Variants in FRYL observed in about 807,000 individuals in gnomAD.
FRYL encodes FRY like transcription coactivator.
In FRYL, 150 loss-of-function variants were observed where a neutral mutation model predicts 351.2. The ratio of observed to expected loss-of-function variants is 0.43; its 90% CI spans 0.37 to 0.49. The LOEUF (loss-of-function observed/expected upper bound fraction) is 0.49, where lower values mean the gene tolerates loss of function less well. Among genes scored for constraint, FRYL ranks in the 20% least tolerant of loss-of-function variants. FRYL has a pLI of 0.00. For missense variants in FRYL, 3,036 were observed against 3,619.3 expected (o/e 0.84, Z 4.13); for synonymous variants, 1,153 against 1,257.1 (o/e 0.92, Z 1.75).
rs765174479 is a variant in FRYL, at chr4:48,570,828, T to C, written c.2995A>G (p.Ser999Gly). The change falls in exon 27 of 64, where the codon AGT becomes GGT. Residue 999 changes from serine (S) to glycine (G), a missense_variant and splice_region_variant. Transcript: ENST00000358350. ...LLADAGVISH[S>G]ASGGLDNETH... ...TAACAATGTGAATCCAATACTGACC[T>C]GTGACTAATGACACCAGCATCTGCC... 9 of 1,605,736 alleles carry C rather than the reference T, an allele frequency of 5.6e-6. No individual in the cohort carries two copies. Among genetic ancestry groups the C allele is most frequent in the Admixed American group, 1.7e-5 (1 of 59,996 alleles).
chr4:48,704,777 C>T (rs1219778588), intron 2 of FRYL, among the ~76,000 whole-genome samples: 13 of 151,702 alleles, frequency 8.6e-5, no homozygotes, highest in African/African-American at 2.4e-4. Context: ...GGCAAAACCC[C>T]GTCTCTACTA....
At chr4:48,696,856 CTAT>C (rs1238217011) in intron 2 of FRYL, among the ~76,000 whole-genome samples, 7 of 145,752 alleles carry the variant, frequency 4.8e-5, no homozygotes, top group Non-Finnish European at 1.0e-4. Context: ...ATCTATCTAT[CTAT>C]CTATCTATCT....
intron 1 of FRYL, among the ~76,000 whole-genome samples, chr4:48,728,938 C>T (rs1770398474): frequency 6.6e-6 from 1 of 152,226 alleles, no homozygotes. Flanking sequence ...CTGGGAAATG[C>T]AAGCGGTCAG....
At chr4:48,523,267 A>G (rs185720468) in intron 53 of FRYL, among the ~76,000 whole-genome samples, 163 bp from the exon 54 acceptor site, 32 of 152,348 alleles carry the variant, frequency 2.1e-4, no homozygotes, top group African/African-American at 7.5e-4. Flanking sequence ...TTAACACACC[A>G]TCAAATATTT....
At chr4:48,681,848 A>G (rs1414525379) in intron 3 of FRYL, among the ~76,000 whole-genome samples, 1 of 152,230 alleles carries the variant, frequency 6.6e-6, no homozygotes, top group Admixed American at 6.5e-5. Context: ...ACAGTCATCA[A>G]CATTATATGT....
intron 31 of FRYL, 145 bp from the exon 32 acceptor site, chr4:48,563,133 TACA>T (rs1322496178): frequency 3.5e-6 from 2 of 567,584 alleles, no homozygotes; most frequent in Non-Finnish European, 6.4e-6. Flanking sequence ...AGGCAATAGG[TACA>T]ACAACAGATG....
intron 35 of FRYL, among the ~76,000 whole-genome samples, 178 bp downstream of exon 35, chr4:48,556,800 T>C (rs1578103115): frequency 6.6e-6 from 1 of 152,148 alleles, no homozygotes; most frequent in Admixed American, 6.6e-5. Flanking sequence ...GTCATAATGA[T>C]AGATAACATT....
intron 3 of FRYL, among the ~76,000 whole-genome samples, chr4:48,638,747 C>T (rs996615933): frequency 6.6e-6 from 1 of 152,132 alleles, no homozygotes; most frequent in Non-Finnish European, 1.5e-5. Flanking sequence ...GAAAATGTGG[C>T]ACACATACAC....
In FRYL at chr4:48,713,175, C is replaced by T. The variant is rs541015321; in HGVS notation, c.-383-2477G>A. Among the ~76,000 whole-genome samples the T allele has an allele frequency of 3.4e-4, 52 of 151,834 alleles. 1 individual carries two copies. In the South Asian group the frequency reaches 9.6e-3, roughly 28 times the overall value. On this transcript the variant is annotated intron_variant, in intron 1 of 63. Transcript: ENST00000358350. ...ACTAGGAAGAAACTGCATCAACTAA[C>T]AAGCAAAATAACCAGCTAACATCAT...
intron 4 of FRYL, among the ~76,000 whole-genome samples, chr4:48,626,947 A>G (rs888743148): frequency 9.9e-5 from 15 of 152,140 alleles, no homozygotes; most frequent in African/African-American, 3.6e-4. Context: ...GATTTGGGGA[A>G]CGTCTTTAGT....
intron 3 of FRYL, among the ~76,000 whole-genome samples, chr4:48,677,401 TTG>T (rs1007054065): frequency 8.5e-5 from 13 of 152,126 alleles, no homozygotes; most frequent in African/African-American, 3.1e-4. Context: ...TAACGATTTT[TTG>T]TGTGTGTGTT....
intron 3 of FRYL, among the ~76,000 whole-genome samples, chr4:48,652,149 C>T (rs1294194410): frequency 6.6e-6 from 1 of 152,176 alleles, no homozygotes; most frequent in South Asian, 2.1e-4. Context: ...GTTCAGGCAA[C>T]GACATGCAGA....
At chr4:48,552,426 C>A (rs1186806443) in intron 36 of FRYL, among the ~76,000 whole-genome samples, 1 of 65,362 alleles carries the variant, frequency 1.5e-5, no homozygotes, top group Non-Finnish European at 3.0e-5. Flanking sequence ...TCCATATATA[C>A]TTATAGAACT....
chr4:48,775,069 A>C (rs1775871191), intron 1 of FRYL, among the ~76,000 whole-genome samples: 1 of 152,246 alleles, frequency 6.6e-6, no homozygotes, highest in Non-Finnish European at 1.5e-5. Flanking sequence ...AATTTCAGAA[A>C]TATTTCGCCC....
intron 1 of FRYL, among the ~76,000 whole-genome samples, chr4:48,762,974 C>T (rs1774561884): frequency 6.6e-6 from 1 of 151,886 alleles, no homozygotes; most frequent in African/African-American, 2.4e-5. Context: ...ATACTATTCT[C>T]CAGGGAAAGC....
intron 1 of FRYL, among the ~76,000 whole-genome samples, chr4:48,778,809 T>C (rs1776300977): frequency 6.6e-6 from 1 of 152,158 alleles, no homozygotes; most frequent in Admixed American, 6.5e-5. Context: ...AAAACCAACT[T>C]TACTTCCATC....
At position 48,651,289 on chromosome 4, in the gene FRYL, CTGTGTGTGTGTGTGTG is replaced by C. The variant is rs59845967; in HGVS notation, c.-80-16815_-80-16800del. On this transcript the variant is annotated intron_variant, in intron 3 of 63. Coordinates refer to ENST00000358350, the MANE Select transcript of FRYL (RefSeq NM_015030.2). ...GTAGAAACAGGATCTCAGGATCTCACTGTGTGTGTGTGTGTGTGTGTGTGTGTGTGTGTGTGTGTGT... is the reference window on the plus strand; with the variant it reads ...GTAGAAACAGGATCTCAGGATCTCACTGTGTGTGTGTGTGTGTGTGTGTGT... Among the ~76,000 whole-genome samples the C allele has an allele frequency of 5.9e-4, 37 of 62,406 alleles. 1 individual carries two copies. The highest frequency in any genetic ancestry group is 1.6e-3 in the South Asian group (2 of 1,244). 40.9% of individuals were successfully genotyped at this position (62,406 alleles called of 152,430 possible).
At chr4:48,525,216 G>A (rs2148848313) in intron 53 of FRYL, among the ~76,000 whole-genome samples, 1 of 147,412 alleles carries the variant, frequency 6.8e-6, no homozygotes, top group South Asian at 2.1e-4. Flanking sequence ...TGGATGTGAT[G>A]TAAAATGTAT....
chr4:48,500,857 G>GTA (rs1195262473), intron 62 of FRYL, among the ~76,000 whole-genome samples: 1 of 152,190 alleles, frequency 6.6e-6, no homozygotes, highest in Non-Finnish European at 1.5e-5. Context: ...GGCCAAGGCA[G>GTA]TGGGTCACCT....
Sources: allele counts gnomAD v4.1 joint callset (sites outside exome capture counted in the v4.1 genomes callset), GRCh38; gene constraint gnomAD v4.1.1; transcripts MANE v1.5; gene names NCBI Gene and HGNC (gene_info 2026-07-23, HGNC 2026-07-21).